TLL1: variants seen among roughly 807,000 people sequenced by gnomAD.
TLL1 encodes tolloid like 1, also known as tolloid-like protein 1.
In TLL1, 49 loss-of-function variants were observed where a neutral mutation model predicts 128.2. The observed-to-expected ratio is 0.38, with a 90% CI of 0.30 to 0.48. The LOEUF (loss-of-function observed/expected upper bound fraction) is 0.48. TLL1 is among the 20% of genes least tolerant of loss of function. The probability of loss-of-function intolerance (pLI) is 0.96; values close to 1 mark genes in which losing one functional copy is unlikely to be tolerated. For synonymous variants in TLL1, 454 were observed against 418.8 expected, an observed-to-expected ratio of 1.08 and a Z score of -1.03; for missense variants, 1,123 against 1,242.0, an observed-to-expected ratio of 0.90 and a Z score of 1.44.
intron 1 of TLL1, among the ~76,000 whole-genome samples, chr4:165,920,907 G>A (rs1579488672): frequency 6.6e-6 from 1 of 152,150 alleles, no homozygotes; most frequent in Non-Finnish European, 1.5e-5. Context: ...TCATGGCTTA[G>A]ATCCAACTTA....
intron 5 of TLL1, among the ~76,000 whole-genome samples, chr4:165,995,443 A>C (rs1443141305): frequency 6.6e-6 from 1 of 152,194 alleles, no homozygotes; most frequent in Non-Finnish European, 1.5e-5. Flanking sequence ...CACCTGAGCT[A>C]GAAACTTCAG....
chr4:165,920,621 A>G (rs568660359), intron 1 of TLL1, among the ~76,000 whole-genome samples: 2 of 152,348 alleles, frequency 1.3e-5, no homozygotes, highest in Admixed American at 6.5e-5. Context: ...TGGAATTTTC[A>G]TTAAAAACCG....
chr4:165,883,262 A>G (rs1413683245), intron 1 of TLL1, among the ~76,000 whole-genome samples: 2 of 152,214 alleles, frequency 1.3e-5, no homozygotes, highest in Non-Finnish European at 2.9e-5. Context: ...TTTTGAATTC[A>G]AAACTCTGGA....
chr4:165,990,043 A>G (rs958354153), intron 2 of TLL1, among the ~76,000 whole-genome samples: 2 of 151,950 alleles, frequency 1.3e-5, no homozygotes, highest in African/African-American at 4.8e-5. Context: ...ATATATCTAT[A>G]TAATTTTTGT....
intron 1 of TLL1, among the ~76,000 whole-genome samples, chr4:165,929,846 CTA>C: frequency 6.6e-6 from 1 of 152,302 alleles, no homozygotes; most frequent in East Asian, 1.9e-4. Flanking sequence ...TGTCTGCAGA[CTA>C]TGTGAGAAGA....
intron 9 of TLL1, among the ~76,000 whole-genome samples, chr4:166,028,332 C>T (rs1738601086): frequency 6.6e-6 from 1 of 151,960 alleles, no homozygotes; most frequent in African/African-American, 2.4e-5. Flanking sequence ...TCTTTGCAAA[C>T]ATTGTTTCTT....
At chr4:166,036,926 AT>A (rs961887442) in intron 9 of TLL1, among the ~76,000 whole-genome samples, 91 of 151,456 alleles carry the variant, frequency 6.0e-4, no homozygotes, top group Middle Eastern at 6.8e-3. Flanking sequence ...ATTTAGCTTT[AT>A]TTTTTTTCCT....
intron 8 of TLL1, among the ~76,000 whole-genome samples, chr4:166,020,371 G>A (rs1233209760): frequency 2.0e-5 from 3 of 152,238 alleles, no homozygotes; most frequent in East Asian, 3.9e-4. Flanking sequence ...GACAACAGAT[G>A]TCCACATAGG....
intron 16 of TLL1, among the ~76,000 whole-genome samples, chr4:166,066,529 T>C (rs960278880): frequency 6.6e-6 from 1 of 151,874 alleles, no homozygotes; most frequent in Non-Finnish European, 1.5e-5. Flanking sequence ...TAAACCTTAG[T>C]ATAGCAATCT....
At chr4:166,074,830 C>T (rs78368586) in intron 16 of TLL1, 48 bp from the exon 17 acceptor site, 60,845 of 1,608,332 alleles carry the variant, frequency 0.038, 1,863 homozygotes, top group African/African-American at 0.14. Context: ...TTGATATCCT[C>T]TGTTTTTAAA....
intron 1 of TLL1, among the ~76,000 whole-genome samples, chr4:165,897,606 C>T (rs2110844501): frequency 1.3e-5 from 2 of 149,318 alleles, no homozygotes; most frequent in South Asian, 4.3e-4. Flanking sequence ...TGTACCAGTA[C>T]CATGCTGTTT....
chr4:165,947,096 C>T (rs1331731367), intron 1 of TLL1, among the ~76,000 whole-genome samples: 1 of 152,070 alleles, frequency 6.6e-6, no homozygotes, highest in Non-Finnish European at 1.5e-5. Context: ...GTTCTGGAGG[C>T]TGGGAAGTCC....
chr4:166,043,197 A>G (rs1254844641), intron 11 of TLL1, 77 bp from the exon 12 acceptor site: 18 of 1,601,470 alleles, frequency 1.1e-5, no homozygotes, highest in Middle Eastern at 2.0e-4. Flanking sequence ...CTGAACTTCA[A>G]TGTTACCCTA....
chr4:166,029,863 TACAC>T, intron 9 of TLL1, among the ~76,000 whole-genome samples: 1 of 152,210 alleles, frequency 6.6e-6, no homozygotes, highest in South Asian at 2.1e-4. Flanking sequence ...ATTGTATGAA[TACAC>T]ATTTTCTTTA....
At chr4:166,079,279 T>C (rs1170906116) in intron 18 of TLL1, among the ~76,000 whole-genome samples, 1 of 152,202 alleles carries the variant, frequency 6.6e-6, no homozygotes, top group Non-Finnish European at 1.5e-5. Context: ...TTGGAAAAAT[T>C]GATTTTCGTG....
intron 5 of TLL1, among the ~76,000 whole-genome samples, chr4:165,998,364 T>C (rs28498190): frequency 6.6e-6 from 1 of 152,172 alleles, no homozygotes; most frequent in Non-Finnish European, 1.5e-5. Context: ...TTACTTTTTT[T>C]AATCTACTTA....
intron 13 of TLL1, among the ~76,000 whole-genome samples, chr4:166,056,382 A>G (rs1381666750): frequency 6.6e-6 from 1 of 151,414 alleles, no homozygotes; most frequent in African/African-American, 2.4e-5. Flanking sequence ...ATTTTAAAAA[A>G]TATTATATAT....
At chr4:166,075,390 A>C (rs1160957003) in intron 17 of TLL1, among the ~76,000 whole-genome samples, 1 of 152,190 alleles carries the variant, frequency 6.6e-6, no homozygotes, top group East Asian at 1.9e-4. Context: ...TATCTTGTGC[A>C]TGTGCTACAT....
At chr4:165,963,841 T>C (rs1735239413) in intron 1 of TLL1, among the ~76,000 whole-genome samples, 1 of 151,988 alleles carries the variant, frequency 6.6e-6, no homozygotes. Context: ...GAAGTGAAAA[T>C]GTGTGGTTGG....
Sources: gnomAD v4.1 joint callset for allele counts (sites outside exome capture counted in the v4.1 genomes callset) on GRCh38, gnomAD v4.1.1 for gene constraint, MANE v1.5 for transcripts, NCBI Gene and HGNC (gene_info 2026-07-23, HGNC 2026-07-21) for gene names.